PDYN: variants seen among roughly 807,000 people sequenced by gnomAD.
PDYN encodes the protein prodynorphin, also known as proenkephalin-B.
Under a neutral mutation model 11.4 loss-of-function variants are expected in PDYN, and 5 were observed. The ratio of observed to expected loss-of-function variants is 0.44; its 90% CI spans 0.23 to 0.92. PDYN has a LOEUF of 0.92. PDYN is among the 40% of genes least tolerant of loss of function. The probability of loss-of-function intolerance (pLI) is 0.24; values close to 1 mark genes in which losing one functional copy is unlikely to be tolerated. For missense variants in PDYN, 337 were observed against 317.3 expected, an observed-to-expected ratio of 1.06 and a Z score of -0.47; for synonymous variants, 132 against 129.5, an observed-to-expected ratio of 1.02 and a Z score of -0.13.
At chr20:1,981,205 C>A (rs773211013) in intron 3 of PDYN, among the ~76,000 whole-genome samples, 22 of 152,184 alleles carry the variant, frequency 1.4e-4, no homozygotes, top group Non-Finnish European at 2.9e-4. Context: ...GTGGCAATTG[C>A]CAGAATTGGA....
intron 2 of PDYN, among the ~76,000 whole-genome samples, chr20:1,987,220 C>T: frequency 6.6e-6 from 1 of 150,572 alleles, no homozygotes; most frequent in Middle Eastern, 3.2e-3. Context: ...CTAAATGTGA[C>T]TGGAAGACTA....
chr20:1,990,324 C>A (rs1988377710), intron 2 of PDYN, among the ~76,000 whole-genome samples: 1 of 152,210 alleles, frequency 6.6e-6, no homozygotes, highest in Non-Finnish European at 1.5e-5. Flanking sequence ...GATAACCTCC[C>A]AAACTCTCAC....
At chr20:1,986,523 C>T (rs1447084708) in intron 2 of PDYN, among the ~76,000 whole-genome samples, 4 of 152,234 alleles carry the variant, frequency 2.6e-5, no homozygotes, top group Admixed American at 1.3e-4. Flanking sequence ...CTAGCAGCCC[C>T]GGGCTCTCCT....
chr20:1,980,793 A>C lies in PDYN; in HGVS notation c.295T>G (p.Ser99Ala). The change falls in exon 4 of 4, where the codon TCT becomes GCT. Residue 99 changes from serine (S) to alanine (A), a missense_variant. Ser to Ala is a moderately conservative substitution (Grantham distance 99). Transcript: ENST00000217305. ...TCCAGCTCCTTCAGGAATGACCCAG[A>C]GAGCTTGGCCAGCTCACTGTAGGGC... The part of the protein sequence containing the change: ...EGPYSELAKL[S>A]GSFLKELEKS... 1 of 1,614,200 alleles carries C rather than the reference A, an allele frequency of 6.2e-7. No homozygotes were observed. Among genetic ancestry groups the C allele is most frequent in the Non-Finnish European group, 8.5e-7 (1 of 1,180,034 alleles).
chr20:1,983,179 A>T, intron 2 of PDYN, 76 bp from the exon 3 acceptor site: 1 of 1,265,218 alleles, frequency 7.9e-7, no homozygotes, highest in South Asian at 1.3e-5. Flanking sequence ...CCACAAAGTC[A>T]TCTCTAACTC....
At position 1,980,450 on chromosome 20, in the gene PDYN, C is replaced by T. The variant is rs373922212; in HGVS notation, c.638G>A (p.Arg213His). 23 of 1,614,046 alleles carry T rather than the reference C, an allele frequency of 1.4e-5. No individual in the cohort carries two copies. The highest frequency in any genetic ancestry group is 4.5e-5 in the East Asian group (2 of 44,880). Residue 213 changes from arginine (R) to histidine (H), a missense_variant, in exon 4 of 4, where the codon CGC becomes CAC. Coordinates refer to ENST00000217305, the MANE Select transcript of PDYN (RefSeq NM_024411.5). The part of the protein sequence containing the change: ...LYKRYGGFLR[R>H]IRPKLKWDNQ... ...GTCCCACTTGAGCTTGGGACGAATG[C>T]GCCGCAAGAAGCCCCCATAGCGTTT...
intron 2 of PDYN, among the ~76,000 whole-genome samples, chr20:1,989,800 G>A (rs192909442): frequency 2.6e-4 from 39 of 152,302 alleles, no homozygotes; most frequent in Admixed American, 9.2e-4. Flanking sequence ...TCCCACACCT[G>A]AACCGTGACT....
intron 2 of PDYN, among the ~76,000 whole-genome samples, chr20:1,987,480 C>T (rs1361849117): frequency 6.6e-6 from 1 of 152,236 alleles, no homozygotes; most frequent in African/African-American, 2.4e-5. Flanking sequence ...GAGGAAGAGC[C>T]ATACTGCCCA....
chr20:1,988,632 A>G (rs1300693038), intron 2 of PDYN, among the ~76,000 whole-genome samples: 3 of 152,346 alleles, frequency 2.0e-5, no homozygotes, highest in East Asian at 1.9e-4. Context: ...GAGGGCCTGC[A>G]TGGTCTTCTT....
intron 3 of PDYN, among the ~76,000 whole-genome samples, chr20:1,981,961 A>AATAG (rs1987836885): frequency 6.7e-6 from 1 of 149,400 alleles, no homozygotes; most frequent in Non-Finnish European, 1.5e-5. Context: ...TAAATAAATA[A>AATAG]ATAATAACTT....
chr20:1,983,204 G>T, intron 2 of PDYN, 101 bp from the exon 3 acceptor site: 1 of 1,013,882 alleles, frequency 9.9e-7, no homozygotes, highest in Non-Finnish European at 1.4e-6. Flanking sequence ...CCACAGCACT[G>T]CAAAGCATTC....
chr20:1,984,896 C>G (rs556220064), intron 2 of PDYN, among the ~76,000 whole-genome samples: 2 of 150,916 alleles, frequency 1.3e-5, no homozygotes, highest in South Asian at 4.2e-4. Flanking sequence ...GAGACTCCAT[C>G]TCAAAAAAAA....
chr20:1,984,367 C>G (rs748531886), intron 2 of PDYN, among the ~76,000 whole-genome samples: 1 of 152,122 alleles, frequency 6.6e-6, no homozygotes, highest in Non-Finnish European at 1.5e-5. Flanking sequence ...CTTACATCAC[C>G]CTTTGTTTGC....
intron 2 of PDYN, 101 bp from the exon 3 acceptor site, chr20:1,983,204 G>A: frequency 2.0e-6 from 2 of 1,013,876 alleles, no homozygotes; most frequent in East Asian, 2.7e-5. Flanking sequence ...CCACAGCACT[G>A]CAAAGCATTC....
Position 1,980,172 on chromosome 20 carries a change from C to G in PDYN, c.*151G>C. 2.4e-6 allele frequency: 2 copies of G among 824,872 alleles called. No homozygotes were observed. Among genetic ancestry groups the G allele is most frequent in the Non-Finnish European group, 4.1e-6 (2 of 491,840 alleles). The allele number at this position is 824,872 out of a possible 1,614,324, so 51.1% of individuals were successfully genotyped here. On this transcript the variant is annotated 3_prime_UTR_variant, in exon 4 of 4. Transcript: ENST00000217305. ...ACCCCAGAGAAATAACATACTCCCA[C>G]GCAGAAGAGAGATAGGCTGGGCTTG...
At position 1,979,822 on chromosome 20, in the gene PDYN, G is replaced by A. The variant is rs1306100504; in HGVS notation, c.*501C>T. 1 of 170,982 alleles carries A rather than the reference G, an allele frequency of 5.8e-6. No homozygotes were observed. Among genetic ancestry groups the A allele is most frequent in the East Asian group, 1.5e-4 (1 of 6,598 alleles). 10.6% of individuals were successfully genotyped at this position (170,982 alleles called of 1,614,324 possible). A position where few individuals can be genotyped will look rare whatever the true frequency, so the allele number is the denominator to read the frequency against. ...TTGAGATTTGGGAATATAATGTTAGGATTTCTGTGTATGATTATTTACCTT... is the reference window on the plus strand; with the variant it reads ...TTGAGATTTGGGAATATAATGTTAGAATTTCTGTGTATGATTATTTACCTT... On this transcript the variant is annotated 3_prime_UTR_variant, in exon 4 of 4. Coordinates refer to ENST00000217305, the MANE Select transcript of PDYN (RefSeq NM_024411.5).
chr20:1,990,437 C>G (rs1233709790), intron 2 of PDYN, among the ~76,000 whole-genome samples: 1 of 152,198 alleles, frequency 6.6e-6, no homozygotes, highest in African/African-American at 2.4e-5. Flanking sequence ...AGCCCCTGAA[C>G]CTGGAAAAGC....
intron 3 of PDYN, 80 bp from the exon 4 acceptor site, chr20:1,981,038 G>A: frequency 1.3e-6 from 2 of 1,560,630 alleles, no homozygotes; most frequent in Non-Finnish European, 1.8e-6. Flanking sequence ...CCTGTCCAGT[G>A]TCTGAGAAAA....
intron 3 of PDYN, among the ~76,000 whole-genome samples, chr20:1,982,750 T>C (rs542256316): frequency 1.7e-4 from 26 of 152,238 alleles, no homozygotes; most frequent in Admixed American, 1.0e-3. Context: ...CTGGCCTAAG[T>C]GAACCCATGA....
Sources: allele counts gnomAD v4.1 joint callset (sites outside exome capture counted in the v4.1 genomes callset), GRCh38; gene constraint gnomAD v4.1.1; transcripts MANE v1.5; gene names NCBI Gene and HGNC (gene_info 2026-07-23, HGNC 2026-07-21).